The following CPXM2 variants were observed in gnomAD, a reference collection of about 807,000 sequenced individuals.
CPXM2 encodes the protein carboxypeptidase X, M14 family member 2.
Under a neutral mutation model 86.1 loss-of-function variants are expected in CPXM2, and 66 were observed. That is an observed-to-expected ratio of 0.77 (90% CI 0.63 to 0.94). The LOEUF is 0.94. Ranked by LOEUF, CPXM2 falls within the 40% of genes least tolerant of loss-of-function variation. The pLI is 0.00. For synonymous variants in CPXM2, 388 were observed against 400.2 expected (o/e 0.97, Z 0.36); for missense variants, 948 against 1,026.3 (o/e 0.92, Z 1.04).
chr10:123,827,089 G>T (rs1382997352), intron 4 of CPXM2, among the ~76,000 whole-genome samples: 6 of 152,126 alleles, frequency 3.9e-5, no homozygotes, highest in Admixed American at 3.9e-4. Flanking sequence ...CATTCGTGGA[G>T]CATTCACAGA....
intron 4 of CPXM2, among the ~76,000 whole-genome samples, chr10:123,803,118 C>CTTTTTTTTTTTTTTTTTTTTTTTTTTT (rs532954173): frequency 1.6e-5 from 1 of 63,634 alleles, no homozygotes; most frequent in Non-Finnish European, 3.1e-5. Context: ...TTGTAGTACC[C>CTTTTTTTTTTTTTTTTTTTTTTTTTTT]TTTTTTTTTT....
chr10:123,750,085 C>T (rs1221610615), intron 13 of CPXM2: 20 of 983,970 alleles, frequency 2.0e-5, no homozygotes, highest in Non-Finnish European at 2.3e-5. Context: ...CCCAAAGTGC[C>T]GAGGATTACA....
intron 2 of CPXM2, among the ~76,000 whole-genome samples, chr10:123,917,136 G>A (rs958996895): frequency 1.3e-5 from 2 of 152,134 alleles, no homozygotes; most frequent in Non-Finnish European, 2.9e-5. Flanking sequence ...AAGGGAGAGA[G>A]TAGGAGATGA....
chr10:123,817,930 CT>C (rs1321598396), intron 4 of CPXM2, among the ~76,000 whole-genome samples: 6 of 152,208 alleles, frequency 3.9e-5, no homozygotes, highest in African/African-American at 1.4e-4. Context: ...TGGTTGTGCA[CT>C]TTGCCTGTAA....
intron 2 of CPXM2, among the ~76,000 whole-genome samples, chr10:123,928,614 T>A (rs1945642871): frequency 6.6e-6 from 1 of 152,220 alleles, no homozygotes; most frequent in South Asian, 2.1e-4. Flanking sequence ...ACATTCATGC[T>A]TGGAAGCTAG....
intron 4 of CPXM2, among the ~76,000 whole-genome samples, chr10:123,817,705 C>T (rs965182792): frequency 3.9e-5 from 6 of 152,210 alleles, no homozygotes; most frequent in African/African-American, 1.2e-4. Flanking sequence ...TGCCTTCTCT[C>T]CCCCAGACTG....
At position 123,747,277 on chromosome 10, in the gene CPXM2, A is replaced by T. The variant is rs575522793; in HGVS notation, c.2018-260T>A. Among the ~76,000 whole-genome samples, 6 of 152,344 alleles carry T rather than the reference A, an allele frequency of 3.9e-5. No homozygotes were observed. The East Asian group carries it at 1.2e-3, about 29-fold the overall frequency. ...TCAATACACAGGAGCAAAGCTGGAGAGCCGATCACTAATGCTCTGTGACAA... is the reference window on the plus strand; with the variant it reads ...TCAATACACAGGAGCAAAGCTGGAGTGCCGATCACTAATGCTCTGTGACAA... On this transcript the variant is annotated intron_variant, in intron 13 of 13. Transcript: ENST00000241305.
At chr10:123,773,335 A>G (rs1199582177) in intron 7 of CPXM2, among the ~76,000 whole-genome samples, 1 of 150,376 alleles carries the variant, frequency 6.6e-6, no homozygotes, top group Non-Finnish European at 1.5e-5. Flanking sequence ...GGTTGTGGTC[A>G]TCACCTCCCT....
At position 123,891,503 on chromosome 10, in the gene CPXM2, C is replaced by G. The variant is rs751125936; in HGVS notation, c.157G>C (p.Glu53Gln). Reference protein sequence around the residue: ...REPYYARPEPELETFSPPLPA... With the variant: ...REPYYARPEPQLETFSPPLPA... Reference sequence around the variant, plus strand: ...AGCGGCGGAGAGAAGGTCTCGAGCTCGGGCTCCGGGCGCGCGTAGTAGGGC... The same window carrying G: ...AGCGGCGGAGAGAAGGTCTCGAGCTGGGGCTCCGGGCGCGCGTAGTAGGGC... The change falls in exon 1 of 14, where the codon GAG becomes CAG. Residue 53 changes from glutamate (E) to glutamine (Q), a missense_variant. By Grantham distance (29) the Glu-to-Gln change is conservative (BLOSUM62 2). Transcript: ENST00000241305. The surrounding 1 kb of genome is among the most constrained non-coding windows in gnomAD (Gnocchi z 5.6). 5.2e-6 allele frequency: 8 copies of G among 1,547,434 alleles called. No homozygotes were observed. Among genetic ancestry groups the G allele is most frequent in the Non-Finnish European group, 7.0e-6 (8 of 1,145,168 alleles).
At chr10:123,782,163 T>G (rs1198936938) in intron 6 of CPXM2, among the ~76,000 whole-genome samples, 6 of 152,170 alleles carry the variant, frequency 3.9e-5, no homozygotes, top group Non-Finnish European at 8.8e-5. Context: ...CTTTTAGGAG[T>G]GGAGGCTGAC....
rs1015709294 is a variant in CPXM2, at chr10:123,891,477, CAGCGGCGGAGAGAAGGTCTCG to C, written c.162_182del (p.Glu55_Leu61del). On this transcript the variant is annotated inframe_deletion, in exon 1 of 14. Coordinates refer to ENST00000241305, the MANE Select transcript of CPXM2 (RefSeq NM_198148.3). The surrounding 1 kb of genome is among the most constrained non-coding windows in gnomAD (Gnocchi z 5.6). ...CCCACTCCTCCCCGGGCCCCGCAGG[CAGCGGCGGAGAGAAGGTCTCG>C]AGCTCGGGCTCCGGGCGCGCGTAGT... The C allele has an allele frequency of 9.7e-6, 15 of 1,548,852 alleles. No individual in the cohort carries two copies. The highest frequency in any genetic ancestry group is 1.3e-5 in the Non-Finnish European group (15 of 1,145,974).
chr10:123,746,756 C>A lies in CPXM2; in HGVS notation c.*8G>T. 6.2e-7 allele frequency: 1 copy of A among 1,613,756 alleles called. No individual in the cohort carries two copies. The highest frequency in any genetic ancestry group is 1.3e-5 in the African/African-American group (1 of 75,040). ...GGGTCCCAGACGAGTCTCAAGGGCC[C>A]AGGAGGGTCACCCACGCTGTCGTCT... On this transcript the variant is annotated 3_prime_UTR_variant, in exon 14 of 14. Transcript: ENST00000241305.
intron 2 of CPXM2, among the ~76,000 whole-genome samples, chr10:123,898,477 A>C (rs912192014): frequency 6.6e-6 from 1 of 151,972 alleles, no homozygotes; most frequent in Non-Finnish European, 1.5e-5. Flanking sequence ...AAAAATATAT[A>C]TATCTTTTTA....
intron 2 of CPXM2, among the ~76,000 whole-genome samples, chr10:123,924,191 C>T (rs924023078): frequency 1.3e-5 from 2 of 152,226 alleles, no homozygotes; most frequent in African/African-American, 4.8e-5. Context: ...GTGTGTTCTA[C>T]TATGCAGTTA....
chr10:123,885,897 T>C lies in CPXM2; in HGVS notation c.304+5459A>G, dbSNP rs1006195880. Among the ~76,000 whole-genome samples the C allele has an allele frequency of 6.6e-6, 1 of 152,246 alleles. No individual in the cohort carries two copies. On this transcript the variant is annotated intron_variant, in intron 1 of 13. Coordinates refer to ENST00000241305, the MANE Select transcript of CPXM2 (RefSeq NM_198148.3). This position sits in a 1 kb window ranked among gnomAD's most constrained non-coding sequence, Gnocchi z 4.0. The stretch of plus-strand genomic sequence containing the variant: ...CACTTGAGGCATACAGAAAACACAG[T>C]GGCTATTTTTAAGAACCACAGCATG...
At chr10:123,792,108 G>A (rs146302664) in intron 6 of CPXM2, among the ~76,000 whole-genome samples, 200 of 152,274 alleles carry the variant, frequency 1.3e-3, no homozygotes, top group South Asian at 3.9e-3. Flanking sequence ...TCACAGAGAG[G>A]ACAGAAAACA....
chr10:123,891,565 T>C lies in CPXM2; in HGVS notation c.95A>G (p.Asp32Gly), dbSNP rs766664971. ...GATCTCCTGCCCGTAATAATCAGGG[T>C]CCTCGAGGGCTGCGCCCTGGGCTCC... ...GVGAQGAALE[D>G]PDYYGQEIWS... The change falls in exon 1 of 14, where the codon GAC becomes GGC. Residue 32 changes from aspartate to glycine, a missense_variant. Asp to Gly is a moderately conservative substitution (Grantham distance 94). Transcript: ENST00000241305. This position sits in a 1 kb window ranked among gnomAD's most constrained non-coding sequence, Gnocchi z 5.6. The C allele has an allele frequency of 2.6e-6, 4 of 1,545,816 alleles. No individual in the cohort carries two copies. In the African/African-American group the frequency reaches 4.1e-5, roughly 16 times the overall value.
chr10:123,890,859 C>T (rs74162966), intron 1 of CPXM2, among the ~76,000 whole-genome samples: 2,702 of 152,202 alleles, frequency 0.018, 77 homozygotes, highest in African/African-American at 0.062. Context: ...CCAAGAGACC[C>T]GCTGAGAGTG....
chr10:123,768,016 C>G (rs1846524626), intron 9 of CPXM2, among the ~76,000 whole-genome samples: 1 of 152,198 alleles, frequency 6.6e-6, no homozygotes, highest in Admixed American at 6.5e-5. Flanking sequence ...CTCTCAAGGC[C>G]ACCATCATTC....
Sources: allele counts gnomAD v4.1 joint callset (sites outside exome capture counted in the v4.1 genomes callset), GRCh38; gene constraint gnomAD v4.1.1; non-coding constraint Gnocchi (gnomAD v3.1); transcripts MANE v1.5; gene names NCBI Gene and HGNC (gene_info 2026-07-23, HGNC 2026-07-21).